Variants in NIBAN1 observed in about 807,000 individuals in gnomAD.
NIBAN1 encodes niban apoptosis regulator 1.
A neutral mutation model predicts 75.1 loss-of-function variants in NIBAN1; 81 were observed. The observed-to-expected ratio is 1.08, with a 90% CI of 0.90 to 1.30. The LOEUF is 1.30. Ranked by LOEUF, NIBAN1 falls within the 50% of genes most tolerant of loss-of-function variation. The probability of loss-of-function intolerance (pLI) is 0.00; values close to 1 mark genes in which losing one functional copy is unlikely to be tolerated. For missense variants in NIBAN1, 1,133 were observed against 1,128.1 expected (o/e 1.00, Z -0.06); for synonymous variants, 436 against 424.8 (o/e 1.03, Z -0.32).
intron 1 of NIBAN1, among the ~76,000 whole-genome samples, chr1:184,914,626 A>G (rs1436500145): frequency 2.0e-5 from 3 of 152,114 alleles, no homozygotes; most frequent in African/African-American, 7.2e-5. Context: ...ATGCTATGGG[A>G]TACATATGGG....
chr1:184,905,372 C>G (rs1360590368), intron 1 of NIBAN1, among the ~76,000 whole-genome samples: 1 of 152,090 alleles, frequency 6.6e-6, no homozygotes, highest in Non-Finnish European at 1.5e-5. Flanking sequence ...CTGACTTGTC[C>G]TGGACTGGCA....
Position 184,804,140 on chromosome 1 carries a change from A to C in NIBAN1, c.1447-448T>G, listed in dbSNP as rs543465145. Among the ~76,000 whole-genome samples, 10 of 152,334 alleles carry C rather than the reference A, an allele frequency of 6.6e-5. 1 individual carries two copies. The South Asian group carries it at 2.1e-3, about 32-fold the overall frequency. On this transcript the variant is annotated intron_variant, in intron 11 of 13. Transcript: ENST00000367511. ...GCTCCATTAACACTGTGACATGTTA[A>C]CCAAAGAAGTTCAGTATCCAGAACA...
At chr1:184,954,224 T>A (rs1340905732) in intron 1 of NIBAN1, among the ~76,000 whole-genome samples, 1 of 152,052 alleles carries the variant, frequency 6.6e-6, no homozygotes, top group Non-Finnish European at 1.5e-5. Flanking sequence ...TTCCAGACCT[T>A]GGGAATTTGG....
chr1:184,860,972 C>T (rs1300471729), intron 5 of NIBAN1, among the ~76,000 whole-genome samples: 1 of 152,222 alleles, frequency 6.6e-6, no homozygotes, highest in Non-Finnish European at 1.5e-5. Flanking sequence ...GCCCACCCTA[C>T]CTGAAAAGGC....
chr1:184,903,660 C>A (rs997191045), intron 1 of NIBAN1, among the ~76,000 whole-genome samples: 1 of 151,804 alleles, frequency 6.6e-6, no homozygotes, highest in Non-Finnish European at 1.5e-5. Flanking sequence ...TCCTGAGGCC[C>A]TCACCAGAAG....
At chr1:184,837,143 C>T (rs1452491248) in intron 5 of NIBAN1, among the ~76,000 whole-genome samples, 1 of 152,178 alleles carries the variant, frequency 6.6e-6, no homozygotes, top group Non-Finnish European at 1.5e-5. Context: ...TATGAACTTC[C>T]TGCCACAGAT....
chr1:184,894,340 C>T (rs969745811), intron 2 of NIBAN1, 134 bp from the exon 3 acceptor site: 7 of 880,100 alleles, frequency 8.0e-6, no homozygotes, highest in Non-Finnish European at 1.1e-5. Flanking sequence ...ACTGTTGCTT[C>T]CTCCTCTCCC....
intron 1 of NIBAN1, among the ~76,000 whole-genome samples, chr1:184,902,471 A>C (rs772563210): frequency 6.6e-6 from 1 of 152,196 alleles, no homozygotes; most frequent in Non-Finnish European, 1.5e-5. Flanking sequence ...AAAATGTTCC[A>C]TAATTGATCA....
intron 1 of NIBAN1, among the ~76,000 whole-genome samples, chr1:184,902,792 G>A (rs191496876): frequency 6.6e-6 from 1 of 152,288 alleles, no homozygotes; most frequent in East Asian, 1.9e-4. Context: ...TAGGGGCTGT[G>A]TTTCATTGAG....
chr1:184,904,978 C>T (rs866876255), intron 1 of NIBAN1, among the ~76,000 whole-genome samples: 10 of 152,038 alleles, frequency 6.6e-5, no homozygotes, highest in African/African-American at 1.9e-4. Context: ...TACCCTACTT[C>T]AGCATCACAG....
intron 1 of NIBAN1, among the ~76,000 whole-genome samples, chr1:184,925,248 C>T (rs753866398): frequency 5.3e-5 from 8 of 151,650 alleles, no homozygotes; most frequent in Non-Finnish European, 1.0e-4. Context: ...TTTTGGTTTT[C>T]ATTTGTATGG....
intron 1 of NIBAN1, 122 bp downstream of exon 1, chr1:184,974,180 T>G: frequency 2.9e-6 from 3 of 1,041,052 alleles, no homozygotes; most frequent in Non-Finnish European, 3.8e-6. Context: ...CGGGCTGCGG[T>G]CGGGGATCCC....
intron 1 of NIBAN1, among the ~76,000 whole-genome samples, chr1:184,963,533 T>C (rs1265130399): frequency 1.3e-5 from 2 of 152,144 alleles, no homozygotes; most frequent in African/African-American, 4.8e-5. Context: ...GAACAAATTA[T>C]TACAACTAAT....
chr1:184,956,250 C>A (rs1455839423), intron 1 of NIBAN1, among the ~76,000 whole-genome samples: 1 of 152,096 alleles, frequency 6.6e-6, no homozygotes, highest in Non-Finnish European at 1.5e-5. Context: ...TGGCCTCAAA[C>A]TCCTGGTCTC....
At chr1:184,958,338 G>A (rs1024427725) in intron 1 of NIBAN1, among the ~76,000 whole-genome samples, 3 of 150,118 alleles carry the variant, frequency 2.0e-5, no homozygotes, top group Non-Finnish European at 3.0e-5. Flanking sequence ...TCACACCACT[G>A]CACTCCAGCT....
intron 1 of NIBAN1, among the ~76,000 whole-genome samples, chr1:184,973,758 G>A (rs139157244): frequency 6.6e-6 from 1 of 152,346 alleles, no homozygotes; most frequent in East Asian, 1.9e-4. Flanking sequence ...GGAAGGGAAC[G>A]GCATGACATT....
intron 5 of NIBAN1, among the ~76,000 whole-genome samples, chr1:184,842,340 G>A (rs1341505574): frequency 1.3e-5 from 2 of 152,160 alleles, no homozygotes; most frequent in Non-Finnish European, 2.9e-5. Flanking sequence ...TCTGGGGCAG[G>A]GCCCAAGAAT....
At chr1:184,915,783 G>A (rs1225916772) in intron 1 of NIBAN1, among the ~76,000 whole-genome samples, 1 of 152,184 alleles carries the variant, frequency 6.6e-6, no homozygotes, top group Non-Finnish European at 1.5e-5. Context: ...GACAGAGACA[G>A]AGAGACATAG....
At chr1:184,872,370 G>A (rs1656132212) in intron 5 of NIBAN1, among the ~76,000 whole-genome samples, 1 of 150,202 alleles carries the variant, frequency 6.7e-6, no homozygotes, top group Non-Finnish European at 1.5e-5. Flanking sequence ...ACTGTTCAGG[G>A]AAAAAAAAAG....
Sources: gnomAD v4.1 joint callset for allele counts (sites outside exome capture counted in the v4.1 genomes callset) on GRCh38, gnomAD v4.1.1 for gene constraint, MANE v1.5 for transcripts, NCBI Gene and HGNC (gene_info 2026-07-23, HGNC 2026-07-21) for gene names.